ZNF470: variants seen among roughly 807,000 people sequenced by gnomAD.
ZNF470 encodes the protein chondrogenesis zinc finger protein 1.
ZNF470 carries 13 observed loss-of-function variants against 13.9 expected under a neutral mutation model. That is an observed-to-expected ratio of 0.94 (90% confidence interval 0.61 to 1.49). The LOEUF is 1.49. ZNF470 is among the 40% of genes most tolerant of loss of function. The probability of loss-of-function intolerance (pLI) is 0.00; values close to 1 mark genes in which losing one functional copy is unlikely to be tolerated. For missense variants in ZNF470, 929 were observed against 857.3 expected (o/e 1.08, Z -1.04); for synonymous variants, 293 against 282.9 (o/e 1.04, Z -0.36).
intron 3 of ZNF470, among the ~76,000 whole-genome samples, chr19:56,571,327 T>A (rs1007973104): frequency 1.3e-5 from 2 of 152,172 alleles, no homozygotes; most frequent in Admixed American, 1.3e-4. Context: ...GTAGTTGAAT[T>A]TTTGCCCTCA....
chr19:56,574,055 T>G, intron 3 of ZNF470: 1 of 631,836 alleles, frequency 1.6e-6, no homozygotes, highest in African/African-American at 2.0e-5. Flanking sequence ...AGAGAAGTGA[T>G]TTAGCTCCTA....
Position 56,579,846 on chromosome 19 carries a change from AT to A in ZNF470, c.*1270del. The A allele has an allele frequency of 1.1e-5, 8 of 739,998 alleles. No homozygotes were observed. Among genetic ancestry groups the A allele is most frequent in the East Asian group, 1.3e-4 (1 of 7,710 alleles). 45.8% of individuals were successfully genotyped at this position (739,998 alleles called of 1,614,324 possible). On this transcript the variant is annotated 3_prime_UTR_variant, in exon 6 of 6. Transcript: ENST00000330619. The stretch of plus-strand genomic sequence containing the variant: ...TTGATATTCCAGTAAAAATTTCCAT[AT>A]TTTTTTAGTTGAGAAGCTGATTCTG...
chr19:56,577,745 C>T lies in ZNF470; in HGVS notation c.1316C>T (p.Ser439Phe). ...GGGAAGGCTTTTAGCCATGGCTCAT[C>T]TCTGACAGTACATCAGAGAATTCAT... ...VCGKAFSHGS[S>F]LTVHQRIHTG... Residue 439 changes from serine (S) to phenylalanine (F), a missense_variant, in exon 6 of 6, where the codon TCT becomes TTT. Ser to Phe is a radical substitution (Grantham distance 155). Coordinates refer to ENST00000330619, the MANE Select transcript of ZNF470 (RefSeq NM_001001668.4). 1.2e-6 allele frequency: 2 copies of T among 1,613,450 alleles called. No homozygotes were observed. The highest frequency in any genetic ancestry group is 8.5e-7 in the Non-Finnish European group (1 of 1,179,716).
rs2044493351 is a variant in ZNF470, at chr19:56,576,990, T to G, written c.561T>G (p.Ser187=). The G allele has an allele frequency of 1.3e-6, 2 of 1,588,020 alleles. No homozygotes were observed. Among genetic ancestry groups the G allele is most frequent in the East Asian group, 2.2e-5 (1 of 44,760 alleles). ...SGTVFHLNTL[S]YIKQIFPMEE... ...CAGTTTTTCATCTGAATACATTATC[T>G]TATATAAAACAGATTTTTCCCATGG... The change falls in exon 6 of 6, where the codon TCT becomes TCG. Residue 187 remains serine (S), a synonymous_variant. Transcript: ENST00000330619.
In ZNF470 at chr19:56,581,644, G is replaced by A; in HGVS notation, c.*3061G>A. ...TGAAAAATTGCAGACCTGTATTGTA[G>A]TATAGGCCCATAATTGTGATATCAA... On this transcript the variant is annotated 3_prime_UTR_variant, in exon 6 of 6. Transcript: ENST00000330619. 1.1e-6 allele frequency: 1 copy of A among 941,678 alleles called. No individual in the cohort carries two copies. The highest frequency in any genetic ancestry group is 1.3e-6 in the Non-Finnish European group (1 of 790,146). The allele number at this position is 941,678 out of a possible 1,614,324, so 58.3% of individuals were successfully genotyped here. A position where few individuals can be genotyped will look rare whatever the true frequency, so the allele number is the denominator to read the frequency against.
Position 56,571,775 on chromosome 19 carries a change from ATTTT to A in ZNF470, c.60+1422_60+1425del, listed in dbSNP as rs35836571. Among the ~76,000 whole-genome samples, 11 of 131,992 alleles carry A rather than the reference ATTTT, an allele frequency of 8.3e-5. No individual in the cohort carries two copies. In the East Asian group the frequency reaches 8.8e-4, roughly 11 times the overall value. 86.6% of individuals were successfully genotyped at this position (131,992 alleles called of 152,430 possible). A position where few individuals can be genotyped will look rare whatever the true frequency, so the allele number is the denominator to read the frequency against. On this transcript the variant is annotated intron_variant, in intron 3 of 5. Coordinates refer to ENST00000330619, the MANE Select transcript of ZNF470 (RefSeq NM_001001668.4). Reference sequence around the variant, plus strand: ...AGGCCTGTGCCACCACACCTGGCTAATTTTTTTTTTTTTTTTTTTTTAAGTAGAG... The same window carrying A: ...AGGCCTGTGCCACCACACCTGGCTAATTTTTTTTTTTTTTTTTAAGTAGAG...
rs189496066 is a variant in ZNF470, at chr19:56,579,590, G to C, written c.*1007G>C. 2.0e-6 allele frequency: 2 copies of C among 985,324 alleles called. No homozygotes were observed. Among genetic ancestry groups the C allele is most frequent in the East Asian group, 2.3e-4 (2 of 8,818 alleles). The allele number at this position is 985,324 out of a possible 1,614,324, so 61.0% of individuals were successfully genotyped here. ...TTTATAAAAGTACCACAGACAATTC[G>C]TGTGGTATTTAAATTGTTCTAGCAT... On this transcript the variant is annotated 3_prime_UTR_variant, in exon 6 of 6. Transcript: ENST00000330619.
At chr19:56,573,224 C>T (rs1021773918) in intron 3 of ZNF470, among the ~76,000 whole-genome samples, 2 of 152,090 alleles carry the variant, frequency 1.3e-5, no homozygotes, top group Non-Finnish European at 2.9e-5. Context: ...CCCTTCTGTC[C>T]TTCTTCATCC....
At chr19:56,568,103 CG>C in intron 1 of ZNF470, 65 bp downstream of exon 1, 2 of 985,880 alleles carry the variant, frequency 2.0e-6, no homozygotes, top group Middle Eastern at 5.2e-4. Context: ...TGCTGTCTTT[CG>C]GGGTTCAGGT....
chr19:56,569,077 T>C (rs1412741596), intron 2 of ZNF470, among the ~76,000 whole-genome samples, 194 bp downstream of exon 2: 1 of 152,238 alleles, frequency 6.6e-6, no homozygotes, highest in Non-Finnish European at 1.5e-5. Context: ...AAGGATTAAA[T>C]GACCTCATAC....
chr19:56,573,272 C>T (rs1159787017), intron 3 of ZNF470, among the ~76,000 whole-genome samples: 2 of 152,132 alleles, frequency 1.3e-5, no homozygotes, highest in Non-Finnish European at 2.9e-5. Flanking sequence ...TTACATCATG[C>T]CAGGCATTTT....
chr19:56,570,262 A>G lies in ZNF470; in HGVS notation c.-32-18A>G, dbSNP rs775659345. On this transcript the variant is annotated intron_variant, in intron 2 of 5. Transcript: ENST00000330619. Reference sequence around the variant, plus strand: ...TATTAGTGCTACTTGGTTTCTCACTACTTCTTTTTCTCCCCAGCTCTACAA... The same window carrying G: ...TATTAGTGCTACTTGGTTTCTCACTGCTTCTTTTTCTCCCCAGCTCTACAA... 1.3e-6 allele frequency: 2 copies of G among 1,574,756 alleles called. No individual in the cohort carries two copies. The highest frequency in any genetic ancestry group is 1.1e-5 in the South Asian group (1 of 90,146).
At position 56,579,370 on chromosome 19, in the gene ZNF470, CATG is replaced by C; in HGVS notation, c.*790_*792del. 2.3e-6 allele frequency: 2 copies of C among 880,762 alleles called. No homozygotes were observed. The highest frequency in any genetic ancestry group is 1.0e-4 in the South Asian group (2 of 19,164). 54.6% of individuals were successfully genotyped at this position (880,762 alleles called of 1,614,324 possible). On this transcript the variant is annotated 3_prime_UTR_variant, in exon 6 of 6. Transcript: ENST00000330619. ...CCAGGAGGTAGAGGTTGCAGTGAGT[CATG>C]ATCACACCACTGCAATTCCAGCTGG...
At chr19:56,570,116 C>A in intron 2 of ZNF470, 164 bp from the exon 3 acceptor site, 2 of 558,196 alleles carry the variant, frequency 3.6e-6, no homozygotes, top group South Asian at 2.4e-5. Context: ...AGAGGGGAAC[C>A]CCAGCTATAT....
chr19:56,576,761 T>G lies in ZNF470; in HGVS notation c.332T>G (p.Ile111Ser). Residue 111 changes from isoleucine (I) to serine (S), a missense_variant, in exon 6 of 6, where the codon ATT becomes AGT. Transcript: ENST00000330619. ...AAATCATTATCTTTAAACCAGGATA[T>G]TTATGAAGAAAAATTACCCCCGGCA... ...VTKSLSLNQD[I>S]YEEKLPPAII... The G allele has an allele frequency of 6.6e-7, 1 of 1,520,806 alleles. No individual in the cohort carries two copies. The highest frequency in any genetic ancestry group is 8.8e-7 in the Non-Finnish European group (1 of 1,139,674). The allele number at this position is 1,520,806 out of a possible 1,614,324, so 94.2% of individuals were successfully genotyped here.
intron 3 of ZNF470, among the ~76,000 whole-genome samples, chr19:56,571,002 A>G (rs907091900): frequency 3.3e-5 from 5 of 152,186 alleles, no homozygotes; most frequent in African/African-American, 9.7e-5. Context: ...TATAGCCTGC[A>G]CCATCCTACT....
At position 56,577,092 on chromosome 19, in the gene ZNF470, C is replaced by T. The variant is rs936031962; in HGVS notation, c.663C>T (p.Asp221=). The change falls in exon 6 of 6, where the codon GAC becomes GAT. Residue 221 remains aspartate (D), a synonymous_variant. Transcript: ENST00000330619. ...CAGTTGTGAAAAAACACAAGCAAGA[C>T]CGTGGAGAAAAGAAACTTTTAAAAT... ...THSVVKKHKQ[D]RGEKKLLKCN... 2 of 1,606,490 alleles carry T rather than the reference C, an allele frequency of 1.2e-6. 1 individual carries two copies. The highest frequency in any genetic ancestry group is 3.5e-5 in the Admixed American group (2 of 57,910).
At position 56,568,052 on chromosome 19, in the gene ZNF470, A is replaced by AG; in HGVS notation, c.-159+14_-159+15insG. 1 of 985,822 alleles carries AG rather than the reference A, an allele frequency of 1.0e-6. No individual in the cohort carries two copies. Among genetic ancestry groups the AG allele is most frequent in the Non-Finnish European group, 1.2e-6 (1 of 830,212 alleles). 61.1% of individuals were successfully genotyped at this position (985,822 alleles called of 1,614,324 possible). ...CTGAGTACACAGGTAAGAGTGACAG[A>AG]TGACGGATGTGGCTGCCGGAGTGGA... On this transcript the variant is annotated intron_variant, in intron 1 of 5. Transcript: ENST00000330619.
rs375838391 is a variant in ZNF470, at chr19:56,578,602, T to C, written c.*19T>C. On this transcript the variant is annotated 3_prime_UTR_variant, in exon 6 of 6. Transcript: ENST00000330619. ...CCTATAGATTCAATCTCGTAAATGC[T>C]TCTAGCATCCATCTGCTTTTTTCCA... 115 of 1,484,934 alleles carry C rather than the reference T, an allele frequency of 7.7e-5. No individual in the cohort carries two copies. The African/African-American group carries it at 1.4e-3, about 19-fold the overall frequency. 92.0% of individuals were successfully genotyped at this position (1,484,934 alleles called of 1,614,324 possible).
Sources: allele counts gnomAD v4.1 joint callset (sites outside exome capture counted in the v4.1 genomes callset), GRCh38; gene constraint gnomAD v4.1.1; transcripts MANE v1.5; gene names NCBI Gene and HGNC (gene_info 2026-07-23, HGNC 2026-07-21).